The following CNBD1 variants were observed in gnomAD, a reference collection of about 807,000 sequenced individuals.
The protein encoded by CNBD1 is cyclic nucleotide binding domain containing 1.
CNBD1 carries 71 observed loss-of-function variants against 54.4 expected under a neutral mutation model. The observed-to-expected ratio is 1.30, with a 90% CI of 1.08 to 1.59. The LOEUF is 1.59. Among genes scored for constraint, CNBD1 ranks in the 40% most tolerant of loss-of-function variants. The pLI, the probability that CNBD1 is intolerant of heterozygous loss-of-function variation, is 0.00. For synonymous variants in CNBD1, 182 were observed against 170.7 expected (o/e 1.07, Z -0.51); for missense variants, 659 against 518.0 (o/e 1.27, Z -2.64).
At chr8:87,000,125 T>C (rs1363484066) in intron 4 of CNBD1, among the ~76,000 whole-genome samples, 2 of 152,130 alleles carry the variant, frequency 1.3e-5, no homozygotes, top group African/African-American at 2.4e-5. Flanking sequence ...TTGTCTTGAA[T>C]TGTAATCCTA....
intron 6 of CNBD1, 58 bp downstream of exon 6, chr8:87,237,170 C>A: frequency 1.9e-6 from 2 of 1,045,862 alleles, no homozygotes; most frequent in East Asian, 2.4e-5. Context: ...TTTTGTAAAA[C>A]TTTATCTCTT....
intron 4 of CNBD1, among the ~76,000 whole-genome samples, chr8:87,176,483 ATTTTT>A (rs35416460): frequency 7.4e-6 from 1 of 134,412 alleles, no homozygotes; most frequent in Non-Finnish European, 1.6e-5. Context: ...TTAAGTTAGT[ATTTTT>A]TTTTTTTTTT....
intron 2 of CNBD1, among the ~76,000 whole-genome samples, chr8:86,901,751 T>C (rs1335581044): frequency 1.3e-5 from 2 of 152,178 alleles, no homozygotes; most frequent in African/African-American, 2.4e-5. Context: ...GAAAAGGACA[T>C]TGAGAATCTT....
intron 4 of CNBD1, among the ~76,000 whole-genome samples, chr8:87,032,165 T>C (rs1809809293): frequency 6.6e-6 from 1 of 152,226 alleles, no homozygotes; most frequent in Non-Finnish European, 1.5e-5. Flanking sequence ...TCTTGCCTAA[T>C]CTAGTCAGTT....
At chr8:87,100,543 G>C (rs1421830378) in intron 4 of CNBD1, among the ~76,000 whole-genome samples, 1 of 152,080 alleles carries the variant, frequency 6.6e-6, no homozygotes, top group Non-Finnish European at 1.5e-5. Flanking sequence ...CAGTGGTGCA[G>C]TCTTGGCTAA....
intron 2 of CNBD1, among the ~76,000 whole-genome samples, chr8:86,899,118 T>A (rs1009141671): frequency 4.0e-5 from 6 of 151,506 alleles, no homozygotes; most frequent in Admixed American, 6.6e-5. Context: ...ATGTGAAATT[T>A]AAAAAAACGC....
intron 10 of CNBD1, among the ~76,000 whole-genome samples, chr8:87,360,816 A>G (rs796530209): frequency 1.3e-5 from 2 of 152,052 alleles, no homozygotes; most frequent in Admixed American, 6.6e-5. Context: ...AAACTATCTG[A>G]AAGTTTCTGC....
At chr8:87,202,374 A>G (rs988645326) in intron 4 of CNBD1, among the ~76,000 whole-genome samples, 1 of 152,224 alleles carries the variant, frequency 6.6e-6, no homozygotes, top group Non-Finnish European at 1.5e-5. Context: ...TATAATATGG[A>G]TCATGGTTAA....
intron 2 of CNBD1, among the ~76,000 whole-genome samples, chr8:86,897,807 G>A (rs781177593): frequency 6.6e-6 from 1 of 152,118 alleles, no homozygotes; most frequent in East Asian, 1.9e-4. Flanking sequence ...GATAGAGAGT[G>A]CATTATGTGT....
At chr8:87,376,865 T>A (rs1586061361) in intron 10 of CNBD1, among the ~76,000 whole-genome samples, 1 of 151,970 alleles carries the variant, frequency 6.6e-6, no homozygotes. Context: ...CTCAAGCTTC[T>A]TATTTTATAG....
rs1306281261 is a variant in CNBD1 at position 87,226,300 on chromosome 8, T to C, written c.578-10619T>C. On this transcript the variant is annotated intron_variant, in intron 5 of 10. Transcript: ENST00000518476. ...TCTGCTAGCTTTTGAATGTGTTTGC[T>C]CGTGCTTTTCTAGTTCTTTTAATTG... 5.3e-5 allele frequency among the ~76,000 whole-genome samples: 8 copies of C among 150,854 alleles called. No individual in the cohort carries two copies. The East Asian group carries it at 1.5e-3, about 29-fold the overall frequency.
chr8:87,302,642 C>G lies in CNBD1; in HGVS notation c.1042+15971C>G, dbSNP rs370552855. 4.1e-4 allele frequency among the ~76,000 whole-genome samples: 62 copies of G among 151,242 alleles called. 3 individuals carry two copies. The highest frequency in any genetic ancestry group is 2.1e-4 in the South Asian group (1 of 4,778). On this transcript the variant is annotated intron_variant, in intron 8 of 10. Transcript: ENST00000518476. ...TGTTGGAAGTTCTGGCCAGGGCAAT[C>G]AGGCAGGAGAAGGAAATAAAGGGTA...
At chr8:87,025,877 G>A (rs1018637593) in intron 4 of CNBD1, among the ~76,000 whole-genome samples, 1 of 152,136 alleles carries the variant, frequency 6.6e-6, no homozygotes, top group East Asian at 1.9e-4. Context: ...AGAACCCACC[G>A]GAAGGAACCA....
At chr8:87,396,399 AC>A (rs1811409002) in intron 2 of CNBD1, among the ~76,000 whole-genome samples, 1 of 151,890 alleles carries the variant, frequency 6.6e-6, no homozygotes, top group African/African-American at 2.4e-5. Context: ...ACTGAAATCT[AC>A]ATGCCTAACT....
intron 4 of CNBD1, among the ~76,000 whole-genome samples, chr8:87,146,575 A>G (rs75132435): frequency 0.028 from 4,292 of 152,098 alleles, 87 homozygotes; most frequent in Non-Finnish European, 0.042. Context: ...TCCCCTACCC[A>G]TCCTGTAGTA....
At chr8:87,272,326 T>C (rs1443220465) in intron 6 of CNBD1, among the ~76,000 whole-genome samples, 1 of 152,028 alleles carries the variant, frequency 6.6e-6, no homozygotes, top group East Asian at 1.9e-4. Context: ...AATCATCACA[T>C]GTATCTAAAA....
At chr8:87,364,965 GTCTT>G (rs1810612151) in intron 10 of CNBD1, among the ~76,000 whole-genome samples, 1 of 152,072 alleles carries the variant, frequency 6.6e-6, no homozygotes, top group African/African-American at 2.4e-5. Context: ...CTGTGCATGT[GTCTT>G]TATAATAGAA....
intron 6 of CNBD1, among the ~76,000 whole-genome samples, chr8:87,281,257 A>G (rs1808592252): frequency 6.6e-6 from 1 of 151,430 alleles, no homozygotes; most frequent in African/African-American, 2.4e-5. Context: ...TCTAAAATTT[A>G]CAAATGTAAT....
rs1164599078 is a variant in CNBD1, at chr8:87,255,972, AATATATATATATATATATATATATATAT to A, written c.771+18877_771+18904del. On this transcript the variant is annotated intron_variant, in intron 6 of 10. Transcript: ENST00000518476. ...AATACTCATATGATTTGCAGCTACA[AATATATATATATATATATATATATATAT>A]ATATATATATATATATTTTTTTTTT... Among the ~76,000 whole-genome samples the A allele has an allele frequency of 1.8e-4, 3 of 16,940 alleles. No homozygotes were observed. In the South Asian group the frequency reaches 8.4e-3, roughly 48 times the overall value. The allele number at this position is 16,940 out of a possible 152,430, so 11.1% of individuals were successfully genotyped here. A position where few individuals can be genotyped will look rare whatever the true frequency, so the allele number is the denominator to read the frequency against.
Sources: gnomAD v4.1 joint callset for allele counts (sites outside exome capture counted in the v4.1 genomes callset) on GRCh38, gnomAD v4.1.1 for gene constraint, MANE v1.5 for transcripts, NCBI Gene and HGNC (gene_info 2026-07-23, HGNC 2026-07-21) for gene names.